Variants in MAN1A1 observed in about 807,000 individuals in gnomAD.
The protein encoded by MAN1A1 is mannosidase alpha class 1A member 1.
MAN1A1 carries 29 observed loss-of-function variants against 70.8 expected under a neutral mutation model. The observed-to-expected ratio is 0.41, with a 90% CI of 0.31 to 0.56. MAN1A1 has a LOEUF of 0.56. MAN1A1 is among the 20% of genes least tolerant of loss of function. The probability of loss-of-function intolerance (pLI) is 0.29; values close to 1 mark genes in which losing one functional copy is unlikely to be tolerated. For synonymous variants in MAN1A1, 349 were observed against 330.1 expected, an observed-to-expected ratio of 1.06 and a Z score of -0.62; for missense variants, 747 against 841.3, an observed-to-expected ratio of 0.89 and a Z score of 1.39.
chr6:119,233,691 T>A (rs2114288066), intron 6 of MAN1A1, among the ~76,000 whole-genome samples: 1 of 152,328 alleles, frequency 6.6e-6, no homozygotes, highest in South Asian at 2.1e-4. Context: ...TCTTAAATCT[T>A]CAGACATACA....
intron 5 of MAN1A1, among the ~76,000 whole-genome samples, chr6:119,284,640 A>T (rs1319760939): frequency 6.6e-6 from 1 of 151,932 alleles, no homozygotes; most frequent in Non-Finnish European, 1.5e-5. Context: ...GGAATTATGT[A>T]TTTTTTTAAG....
In MAN1A1 at chr6:119,178,842, A is replaced by G. The variant is rs563106098; in HGVS notation, c.*977T>C. 1 of 152,286 alleles carries G rather than the reference A, an allele frequency of 6.6e-6. No individual in the cohort carries two copies. Among genetic ancestry groups the G allele is most frequent in the Admixed American group, 6.5e-5 (1 of 15,302 alleles). The allele number at this position is 152,286 out of a possible 1,614,324, so 9.4% of individuals were successfully genotyped here. A position where few individuals can be genotyped will look rare whatever the true frequency, so the allele number is the denominator to read the frequency against. On this transcript the variant is annotated 3_prime_UTR_variant, in exon 13 of 13. Coordinates refer to ENST00000368468, the MANE Select transcript of MAN1A1 (RefSeq NM_005907.4). ...AGATAGAGCCTTTTTCAAATCTGAG[A>G]AATCTGAACCAAATAGAATGCTTTA...
intron 4 of MAN1A1, among the ~76,000 whole-genome samples, chr6:119,299,782 T>A (rs918566054): frequency 6.6e-6 from 1 of 152,192 alleles, no homozygotes; most frequent in Admixed American, 6.5e-5. Flanking sequence ...ATTCAAGGCA[T>A]CCTGTGGTGG....
chr6:119,317,192 C>T (rs936900614), intron 2 of MAN1A1, among the ~76,000 whole-genome samples: 13 of 152,024 alleles, frequency 8.6e-5, no homozygotes, highest in Non-Finnish European at 1.9e-4. Context: ...ATCAACATTA[C>T]GCACGAGAAT....
intron 4 of MAN1A1, among the ~76,000 whole-genome samples, chr6:119,298,671 A>G (rs1430583160): frequency 1.3e-5 from 2 of 149,294 alleles, no homozygotes; most frequent in South Asian, 2.1e-4. Context: ...ATCTCAGCTC[A>G]CTGCAACCCC....
intron 2 of MAN1A1, among the ~76,000 whole-genome samples, chr6:119,315,250 A>T (rs1392976309): frequency 6.6e-6 from 1 of 152,232 alleles, no homozygotes; most frequent in Non-Finnish European, 1.5e-5. Flanking sequence ...ATATATAAAG[A>T]AACAGTAATT....
At chr6:119,214,352 A>G (rs1456122928) in intron 6 of MAN1A1, among the ~76,000 whole-genome samples, 1 of 152,188 alleles carries the variant, frequency 6.6e-6, no homozygotes, top group Non-Finnish European at 1.5e-5. Context: ...TGATACTAAC[A>G]TTAAAAAATG....
chr6:119,180,519 A>AT (rs68020138), intron 11 of MAN1A1, 92 bp from the exon 12 acceptor site: 17,896 of 557,934 alleles, frequency 0.032, 294 homozygotes, highest in African/African-American at 0.13. Flanking sequence ...CAGATAAAAC[A>AT]TTTTTTTTTT....
intron 4 of MAN1A1, among the ~76,000 whole-genome samples, chr6:119,291,693 C>A (rs1322789851): frequency 6.6e-6 from 1 of 151,884 alleles, no homozygotes; most frequent in Non-Finnish European, 1.5e-5. Context: ...GTCTGAGGAC[C>A]TGGGTTCTAG....
chr6:119,342,149 T>C (rs1773612617), intron 2 of MAN1A1, among the ~76,000 whole-genome samples: 2 of 152,202 alleles, frequency 1.3e-5, no homozygotes, highest in African/African-American at 4.8e-5. Flanking sequence ...ACTTAAGTTT[T>C]TTTGGAATTT....
At chr6:119,281,018 T>G (rs890693982) in intron 5 of MAN1A1, among the ~76,000 whole-genome samples, 1 of 152,046 alleles carries the variant, frequency 6.6e-6, no homozygotes, top group African/African-American at 2.4e-5. Flanking sequence ...AGTGGTGGTA[T>G]AGAGGGCAGT....
chr6:119,237,403 A>G (rs111889143), intron 6 of MAN1A1, among the ~76,000 whole-genome samples: 1 of 152,168 alleles, frequency 6.6e-6, no homozygotes, highest in Non-Finnish European at 1.5e-5. Flanking sequence ...CCTGGACCAC[A>G]CGGAACTCCC....
At chr6:119,186,081 A>AT (rs934755366) in intron 11 of MAN1A1, among the ~76,000 whole-genome samples, 13 of 151,740 alleles carry the variant, frequency 8.6e-5, no homozygotes, top group African/African-American at 2.4e-4. Context: ...CAGAAGGGAG[A>AT]TTTTTTCCCT....
At chr6:119,311,632 A>T (rs961076286) in intron 2 of MAN1A1, among the ~76,000 whole-genome samples, 3 of 152,122 alleles carry the variant, frequency 2.0e-5, no homozygotes, top group African/African-American at 7.2e-5. Flanking sequence ...ACAGGGTTGC[A>T]TGGGAGGGCA....
At chr6:119,299,944 G>A (rs1032758651) in intron 4 of MAN1A1, among the ~76,000 whole-genome samples, 2 of 152,126 alleles carry the variant, frequency 1.3e-5, no homozygotes, top group African/African-American at 2.4e-5. Flanking sequence ...GGTTGCACAG[G>A]TCGTGAAAAG....
At chr6:119,220,250 G>T (rs1277195196) in intron 6 of MAN1A1, among the ~76,000 whole-genome samples, 1 of 152,056 alleles carries the variant, frequency 6.6e-6, no homozygotes, top group Admixed American at 6.5e-5. Flanking sequence ...CCAATCACCA[G>T]TGAACCCACT....
chr6:119,306,880 A>C lies in MAN1A1; in HGVS notation c.700+16T>G, dbSNP rs369649116. 9 of 1,527,142 alleles carry C rather than the reference A, an allele frequency of 5.9e-6. No individual in the cohort carries two copies. The highest frequency in any genetic ancestry group is 3.4e-5 in the Admixed American group (2 of 59,636). The allele number at this position is 1,527,142 out of a possible 1,614,324, so 94.6% of individuals were successfully genotyped here. A position where few individuals can be genotyped will look rare whatever the true frequency, so the allele number is the denominator to read the frequency against. On this transcript the variant is annotated intron_variant, in intron 3 of 12. Coordinates refer to ENST00000368468, the MANE Select transcript of MAN1A1 (RefSeq NM_005907.4). ...AGAAGTTATCGTCACTAAGAAACCA[A>C]AGCACATCTACTCACCAAACAAACT... is the stretch of plus-strand genomic sequence containing the variant.
At chr6:119,221,385 G>T (rs1006570557) in intron 6 of MAN1A1, among the ~76,000 whole-genome samples, 2 of 151,360 alleles carry the variant, frequency 1.3e-5, no homozygotes, top group East Asian at 3.9e-4. Flanking sequence ...AATATGAATA[G>T]ATATCTTCCT....
chr6:119,300,999 C>T (rs1772375870), intron 4 of MAN1A1, among the ~76,000 whole-genome samples: 1 of 152,178 alleles, frequency 6.6e-6, no homozygotes, highest in South Asian at 2.1e-4. Flanking sequence ...CTGGTGTCCT[C>T]ATTTGGTCTC....
Sources: gnomAD v4.1 joint callset for allele counts (sites outside exome capture counted in the v4.1 genomes callset) on GRCh38, gnomAD v4.1.1 for gene constraint, MANE v1.5 for transcripts, NCBI Gene and HGNC (gene_info 2026-07-23, HGNC 2026-07-21) for gene names.